PHC3: variants seen among roughly 807,000 people sequenced by gnomAD.
PHC3 encodes polyhomeotic-like protein 3.
PHC3 carries 13 observed loss-of-function variants against 107.4 expected under a neutral mutation model. The observed-to-expected ratio is 0.12, with a 90% CI of 0.08 to 0.19. The LOEUF is 0.19. Ranked by LOEUF, PHC3 falls within the 10% of genes least tolerant of loss-of-function variation. The pLI is 1.00. For missense variants in PHC3, 992 were observed against 1,210.9 expected (o/e 0.82, Z 2.68); for synonymous variants, 456 against 427.4 (o/e 1.07, Z -0.83).
chr3:170,093,482 C>T lies in PHC3; in HGVS notation c.*3748G>A, dbSNP rs1020982169. 1.3e-5 allele frequency: 2 copies of T among 152,224 alleles called. No individual in the cohort carries two copies. The highest frequency in any genetic ancestry group is 2.9e-5 in the Non-Finnish European group (2 of 68,046). 9.4% of individuals were successfully genotyped at this position (152,224 alleles called of 1,614,324 possible). A position where few individuals can be genotyped will look rare whatever the true frequency, so the allele number is the denominator to read the frequency against. On this transcript the variant is annotated 3_prime_UTR_variant, in exon 15 of 15. Coordinates refer to ENST00000495893, the MANE Select transcript of PHC3 (RefSeq NM_024947.4). ...TTTTAACAGTGTGTCCAGTCAGTTT[C>T]ATCCACTGGATATGGCTGTCAGGTC... is the stretch of plus-strand genomic sequence containing the variant.
intron 8 of PHC3, among the ~76,000 whole-genome samples, chr3:170,124,837 A>G (rs1334997485): frequency 6.6e-6 from 1 of 152,218 alleles, no homozygotes; most frequent in East Asian, 1.9e-4. Context: ...CATGTGTTGT[A>G]AAAGGGACAA....
At chr3:170,136,361 GCT>G in intron 7 of PHC3, 56 bp downstream of exon 7, 4 of 1,598,086 alleles carry the variant, frequency 2.5e-6, no homozygotes, top group Non-Finnish European at 3.4e-6. Context: ...CCTTTGTTTT[GCT>G]CTGTCTGCTA....
At position 170,145,453 on chromosome 3, in the gene PHC3, C is replaced by T. The variant is rs1054856579; in HGVS notation, c.642G>A (p.Ser214=). The change falls in exon 6 of 15, where the codon TCG becomes TCA. Residue 214 remains serine (S), a synonymous_variant. Coordinates refer to ENST00000495893, the MANE Select transcript of PHC3 (RefSeq NM_024947.4). The stretch of plus-strand genomic sequence containing the variant: ...TAGCTGCAGACTGACAGGAAGATGA[C>T]GATGACGACGAGACAACAGGAATGT... ...QSDIPVVSSS[S]SSSCQSAATQ... is the part of the protein sequence containing the mutation. The T allele has an allele frequency of 1.1e-5, 17 of 1,613,300 alleles. No individual in the cohort carries two copies. The highest frequency in any genetic ancestry group is 3.3e-5 in the Admixed American group (2 of 59,938).
At chr3:170,166,282 G>C (rs1488543886) in intron 4 of PHC3, among the ~76,000 whole-genome samples, 3 of 152,086 alleles carry the variant, frequency 2.0e-5, no homozygotes, top group Non-Finnish European at 4.4e-5. Flanking sequence ...GACCTCAAGT[G>C]ATCTACCTAC....
intron 9 of PHC3, among the ~76,000 whole-genome samples, chr3:170,117,902 A>C (rs1180186347): frequency 6.6e-6 from 1 of 151,906 alleles, no homozygotes; most frequent in Non-Finnish European, 1.5e-5. Context: ...CATCTCAGCT[A>C]CTTGGGAGGC....
chr3:170,153,925 T>C (rs1482588290), intron 4 of PHC3, among the ~76,000 whole-genome samples: 1 of 152,152 alleles, frequency 6.6e-6, no homozygotes, highest in Non-Finnish European at 1.5e-5. Flanking sequence ...ATGATATTCC[T>C]GACTAGATTG....
chr3:170,102,418 T>C, intron 14 of PHC3, 61 bp downstream of exon 14: 1 of 1,563,112 alleles, frequency 6.4e-7, no homozygotes, highest in Non-Finnish European at 8.7e-7. Flanking sequence ...TGGATGTATC[T>C]AACATTGCTG....
Position 170,097,566 on chromosome 3 carries a change from A to T in PHC3, c.2834-182T>A, listed in dbSNP as rs1429696858. ...GAAGAATAGAGTATTTGCATTCTGA[A>T]AATAAGAATTCAAAATCCAGGTAAA... On this transcript the variant is annotated intron_variant, in intron 14 of 14. Transcript: ENST00000495893. The surrounding 1 kb of genome is among the most constrained non-coding windows in gnomAD (Gnocchi z 4.1). 6.6e-6 allele frequency among the ~76,000 whole-genome samples: 1 copy of T among 152,208 alleles called. No homozygotes were observed. Among genetic ancestry groups the T allele is most frequent in the East Asian group, 1.9e-4 (1 of 5,206 alleles).
chr3:170,152,090 AAT>A (rs1223085853), intron 4 of PHC3, among the ~76,000 whole-genome samples: 4 of 152,050 alleles, frequency 2.6e-5, no homozygotes, highest in Non-Finnish European at 4.4e-5. Context: ...ATTTTAATAT[AAT>A]AGTTAAATGT....
intron 7 of PHC3, among the ~76,000 whole-genome samples, chr3:170,133,024 T>C (rs1223052237): frequency 1.3e-5 from 2 of 152,102 alleles, no homozygotes; most frequent in African/African-American, 2.4e-5. Context: ...AAAATACATA[T>C]AAGAAAACAA....
Position 170,089,914 on chromosome 3 carries a change from CA to C in PHC3, c.*7315del, listed in dbSNP as rs1178846219. On this transcript the variant is annotated 3_prime_UTR_variant, in exon 15 of 15. Transcript: ENST00000495893. The stretch of plus-strand genomic sequence containing the variant: ...CCTGGGCAACAGAGCGAACCCATCT[CA>C]AAAAAAAAAAAAAGAAAAAAAAAAA... The C allele has an allele frequency of 0.028, 1,236 of 43,614 alleles. 14 individuals are homozygous for C. The highest frequency in any genetic ancestry group is 0.076 in the African/African-American group (1,137 of 14,878). 2.7% of individuals were successfully genotyped at this position (43,614 alleles called of 1,614,324 possible). A position where few individuals can be genotyped will look rare whatever the true frequency, so the allele number is the denominator to read the frequency against.
In PHC3 at chr3:170,089,968, T is replaced by C. The variant is rs1303769084; in HGVS notation, c.*7262A>G. On this transcript the variant is annotated 3_prime_UTR_variant, in exon 15 of 15. Coordinates refer to ENST00000495893, the MANE Select transcript of PHC3 (RefSeq NM_024947.4). The stretch of plus-strand genomic sequence containing the variant: ...AAGAAAGAAAGTTGCTCACTGTCAA[T>C]ACTGGGTAAAAAGCTCTTATATCAA... 7.2e-6 allele frequency: 1 copy of C among 139,820 alleles called. No homozygotes were observed. The highest frequency in any genetic ancestry group is 2.1e-4 in the East Asian group (1 of 4,866). The allele number at this position is 139,820 out of a possible 1,614,324, so 8.7% of individuals were successfully genotyped here.
Position 170,106,885 on chromosome 3 carries a change from A to G in PHC3, c.2415T>C (p.Tyr805=). 1 of 1,612,678 alleles carries G rather than the reference A, an allele frequency of 6.2e-7. No individual in the cohort carries two copies. The highest frequency in any genetic ancestry group is 8.5e-7 in the Non-Finnish European group (1 of 1,179,432). Residue 805 remains tyrosine (Y), a synonymous_variant, in exon 12 of 15, where the codon TAT becomes TAC. Transcript: ENST00000495893. ...LKCEFCGKMG[Y]ANEFLRSKRF... Reference sequence around the variant, plus strand: ...GTTTTGACCGCAAAAATTCATTAGCATATCCCATTTTCCCACAGAATTCAC... The same window carrying G: ...GTTTTGACCGCAAAAATTCATTAGCGTATCCCATTTTCCCACAGAATTCAC...
intron 6 of PHC3, among the ~76,000 whole-genome samples, chr3:170,140,645 C>CTGTAGTG (rs1288861179): frequency 5.7e-5 from 7 of 122,000 alleles, no homozygotes; most frequent in Non-Finnish European, 9.6e-5. Flanking sequence ...CCACGCCGGA[C>CTGTAGTG]TGTAGTGGTG....
In PHC3 at chr3:170,128,896, G is replaced by C. The variant is rs370897086; in HGVS notation, c.1576C>G (p.Pro526Ala). The change falls in exon 8 of 15, where the codon CCA (proline) becomes GCA (alanine). Residue 526 changes from proline to alanine, a missense_variant. Physicochemically the swap from Pro to Ala is conservative, Grantham distance 27 (BLOSUM62 -1). Around this residue, in one of 6 missense-constraint regions of PHC3, gnomAD observed 543 missense variants for 590.8 expected, o/e 0.92. Coordinates refer to ENST00000495893, the MANE Select transcript of PHC3 (RefSeq NM_024947.4). ...QMSTSPPAQI[P>A]PLPLQSMQSL... ...TGCATAGACTGCAAGGGCAGTGGTG[G>C]AATCTGAGCTGGAGGAGATGTCGAC... 11 of 1,613,918 alleles carry C rather than the reference G, an allele frequency of 6.8e-6. No homozygotes were observed. The African/African-American group carries it at 1.2e-4, about 18-fold the overall frequency.
intron 4 of PHC3, among the ~76,000 whole-genome samples, chr3:170,159,397 C>A (rs564958095): frequency 1.3e-5 from 2 of 151,198 alleles, no homozygotes; most frequent in South Asian, 4.2e-4. Context: ...AGTGGCTGAA[C>A]TAAAAATTTT....
chr3:170,135,453 A>AT (rs34583743), intron 7 of PHC3, among the ~76,000 whole-genome samples: 37,337 of 148,138 alleles, frequency 0.25, 5,199 homozygotes, highest in East Asian at 0.49. Context: ...ACCCGCCCAG[A>AT]TTTTTTTTTT....
At chr3:170,167,108 C>G (rs972897489) in intron 4 of PHC3, among the ~76,000 whole-genome samples, 3 of 152,132 alleles carry the variant, frequency 2.0e-5, no homozygotes, top group African/African-American at 7.2e-5. Context: ...TCCTTGTTTT[C>G]TACTTTAACA....
chr3:170,178,641 G>A (rs1327609464), intron 2 of PHC3, 132 bp downstream of exon 2: 1 of 993,794 alleles, frequency 1.0e-6, no homozygotes, highest in Non-Finnish European at 1.6e-6. Context: ...AAAATGGATT[G>A]AGACAGTTGA....
Sources: gnomAD v4.1 joint callset for allele counts (sites outside exome capture counted in the v4.1 genomes callset) on GRCh38, gnomAD v4.1.1 for gene constraint, gnomAD v4.1.1 regional missense constraint, Gnocchi (gnomAD v3.1) non-coding constraint, MANE v1.5 for transcripts, NCBI Gene and HGNC (gene_info 2026-07-23, HGNC 2026-07-21) for gene names.